The following DIAPH3 variants were observed in gnomAD, a reference collection of about 807,000 sequenced individuals.
DIAPH3 encodes diaphanous related formin 3.
DIAPH3 carries 117 observed loss-of-function variants against 144.3 expected under a neutral mutation model. The observed-to-expected ratio is 0.81, with a 90% confidence interval of 0.70 to 0.95. The LOEUF (loss-of-function observed/expected upper bound fraction) is 0.95, where lower values mean the gene tolerates loss of function less well. Ranked by LOEUF, DIAPH3 falls within the 40% of genes least tolerant of loss-of-function variation. The pLI, the probability that DIAPH3 is intolerant of heterozygous loss-of-function variation, is 0.00. For missense variants in DIAPH3, 1,421 were observed against 1,412.7 expected (o/e 1.01, Z -0.09); for synonymous variants, 519 against 488.9 (o/e 1.06, Z -0.81).
intron 2 of DIAPH3, among the ~76,000 whole-genome samples, chr13:60,131,435 C>CAAA (rs777909368): frequency 1.3e-3 from 38 of 29,262 alleles, no homozygotes; most frequent in East Asian, 2.2e-3. Context: ...GACCCTGTCT[C>CAAA]AAAAAAAAAA....
chr13:59,722,299 A>G (rs1009367794), intron 27 of DIAPH3, among the ~76,000 whole-genome samples: 6 of 152,218 alleles, frequency 3.9e-5, no homozygotes, highest in Middle Eastern at 3.2e-3. Context: ...GTTCAAAGGA[A>G]TTAATAAAAT....
intron 12 of DIAPH3, 51 bp downstream of exon 12, chr13:59,991,107 T>C (rs1172778094): frequency 8.5e-7 from 1 of 1,177,738 alleles, no homozygotes; most frequent in Admixed American, 1.9e-5. Context: ...ATTTCACAAT[T>C]AATAGATTTT....
Position 59,689,888 on chromosome 13 carries a change from C to T in DIAPH3, c.3320-23042G>A, listed in dbSNP as rs564699859. On this transcript the variant is annotated intron_variant, in intron 27 of 27. Transcript: ENST00000400324. ...AAATTCAGACCATATAATTATGACC[C>T]TTCCAGGACATTTTTTTATGCTATG... 6.6e-5 allele frequency among the ~76,000 whole-genome samples: 10 copies of T among 151,984 alleles called. No homozygotes were observed. The South Asian group carries it at 2.1e-3, about 32-fold the overall frequency.
intron 22 of DIAPH3, among the ~76,000 whole-genome samples, chr13:59,850,170 G>C (rs1334494313): frequency 6.6e-6 from 1 of 152,140 alleles, no homozygotes; most frequent in Non-Finnish European, 1.5e-5. Flanking sequence ...CATTGATTTT[G>C]TATCCTGAGA....
At chr13:60,047,375 G>C (rs1404362505) in intron 4 of DIAPH3, among the ~76,000 whole-genome samples, 1 of 151,990 alleles carries the variant, frequency 6.6e-6, no homozygotes, top group Non-Finnish European at 1.5e-5. Context: ...AAATAAAGGA[G>C]ACCTAAAATA....
chr13:59,793,662 C>A (rs1327804180), intron 25 of DIAPH3, among the ~76,000 whole-genome samples: 2 of 152,180 alleles, frequency 1.3e-5, no homozygotes, highest in African/African-American at 4.8e-5. Context: ...CATTCTTACA[C>A]CATTCCTTGA....
intron 24 of DIAPH3, among the ~76,000 whole-genome samples, chr13:59,812,936 T>C (rs1396999602): frequency 1.3e-5 from 2 of 152,136 alleles, no homozygotes; most frequent in Non-Finnish European, 2.9e-5. Flanking sequence ...GAACAGAAGA[T>C]AGAGGTAGTA....
chr13:59,812,947 T>C (rs1463194479), intron 24 of DIAPH3, among the ~76,000 whole-genome samples: 2 of 152,078 alleles, frequency 1.3e-5, no homozygotes, highest in Admixed American at 6.6e-5. Context: ...AGAGGTAGTA[T>C]CTCCCTCCTA....
At chr13:60,111,178 G>A (rs1413324669) in intron 3 of DIAPH3, among the ~76,000 whole-genome samples, 2 of 152,154 alleles carry the variant, frequency 1.3e-5, no homozygotes, top group South Asian at 2.1e-4. Context: ...AGTCCTCAAA[G>A]ATAGTACTGA....
intron 27 of DIAPH3, among the ~76,000 whole-genome samples, chr13:59,693,338 G>T (rs943913561): frequency 2.0e-5 from 3 of 152,126 alleles, no homozygotes; most frequent in Non-Finnish European, 4.4e-5. Flanking sequence ...GCCACTAAAA[G>T]ATGTTAGGTA....
At chr13:60,059,795 T>C (rs957433986) in intron 4 of DIAPH3, among the ~76,000 whole-genome samples, 8 of 152,072 alleles carry the variant, frequency 5.3e-5, no homozygotes, top group African/African-American at 1.7e-4. Context: ...TCTGAACGGA[T>C]AGAAAAAATC....
Position 59,980,851 on chromosome 13 carries a change from T to G in DIAPH3, c.1489A>C (p.Ile497Leu). 1 of 1,608,956 alleles carries G rather than the reference T, an allele frequency of 6.2e-7. No individual in the cohort carries two copies. Among genetic ancestry groups the G allele is most frequent in the Non-Finnish European group, 8.5e-7 (1 of 1,177,140 alleles). The change falls in exon 14 of 28, where the codon ATA (isoleucine) becomes CTA (leucine). Residue 497 changes from isoleucine (I) to leucine (L), a missense_variant. By Grantham distance (5) the Ile-to-Leu change is conservative. Transcript: ENST00000400324. ...LDLTQFVDIC[I>L]DQAKLEEFEE... The stretch of plus-strand genomic sequence containing the variant: ...AACTCTTCTAGTTTTGCTTGATCTA[T>G]GCAAATGTCTAAAATTGCAATGACA...
rs538701851 is a variant in DIAPH3 at position 59,838,217 on chromosome 13, A to G, written c.2862+1107T>C. The G allele has an allele frequency of 4.6e-5, 7 of 152,278 alleles. No homozygotes were observed. In the South Asian group the frequency reaches 8.3e-4, roughly 18 times the overall value. The allele number at this position is 152,278 out of a possible 1,614,324, so 9.4% of individuals were successfully genotyped here. ...GTAATATTTTATTACAACACAAAAG[A>G]TATCAGTCTGTAATTTCATAAAATG... On this transcript the variant is annotated intron_variant, in intron 23 of 27. Coordinates refer to ENST00000400324, the MANE Select transcript of DIAPH3 (RefSeq NM_001042517.2).
chr13:60,054,805 T>C (rs995794992), intron 4 of DIAPH3, among the ~76,000 whole-genome samples: 1 of 151,946 alleles, frequency 6.6e-6, no homozygotes, highest in Non-Finnish European at 1.5e-5. Context: ...ATTTCAAGCA[T>C]CTCTAATGTC....
At chr13:60,115,098 A>AG (rs2058668912) in intron 2 of DIAPH3, among the ~76,000 whole-genome samples, 1 of 151,988 alleles carries the variant, frequency 6.6e-6, no homozygotes, top group Non-Finnish European at 1.5e-5. Context: ...ATAAGAAAGA[A>AG]AAAATACATT....
chr13:60,155,900 A>G (rs1009846127), intron 1 of DIAPH3, among the ~76,000 whole-genome samples: 39 of 152,228 alleles, frequency 2.6e-4, no homozygotes, highest in Admixed American at 2.6e-3. Flanking sequence ...CTCCCAAATT[A>G]CAAACAAACC....
intron 9 of DIAPH3, among the ~76,000 whole-genome samples, chr13:60,007,753 T>C (rs1411621567): frequency 6.6e-6 from 1 of 152,234 alleles, no homozygotes; most frequent in Non-Finnish European, 1.5e-5. Flanking sequence ...ATGAATATTA[T>C]TCAGCTTGAA....
intron 24 of DIAPH3, among the ~76,000 whole-genome samples, chr13:59,818,013 C>T (rs1305765626): frequency 1.3e-5 from 2 of 151,608 alleles, no homozygotes; most frequent in African/African-American, 2.4e-5. Context: ...TTTTTTGTTG[C>T]TTCTTTAAAT....
rs796731678 is a variant in DIAPH3, at chr13:59,916,089, C to T, written c.2265+66G>A. 25 of 1,409,780 alleles carry T rather than the reference C, an allele frequency of 1.8e-5. No homozygotes were observed. In the African/African-American group the frequency reaches 2.5e-4, roughly 14 times the overall value. The allele number at this position is 1,409,780 out of a possible 1,614,324, so 87.3% of individuals were successfully genotyped here. On this transcript the variant is annotated intron_variant, in intron 19 of 27. Transcript: ENST00000400324. Reference sequence around the variant, plus strand: ...TGGGTGAAGAATTTTGCTTCACTTACAGATTTCTATTTAATGAGAAGCTTG... The same window carrying T: ...TGGGTGAAGAATTTTGCTTCACTTATAGATTTCTATTTAATGAGAAGCTTG...
Sources: allele counts gnomAD v4.1 joint callset (sites outside exome capture counted in the v4.1 genomes callset), GRCh38; gene constraint gnomAD v4.1.1; transcripts MANE v1.5; gene names NCBI Gene and HGNC (gene_info 2026-07-23, HGNC 2026-07-21).